The following RNF38 variants were observed in gnomAD, a reference collection of about 807,000 sequenced individuals.
The protein encoded by RNF38 is E3 ubiquitin-protein ligase RNF38.
A neutral mutation model predicts 67.2 loss-of-function variants in RNF38; 15 were observed. The ratio of observed to expected loss-of-function variants is 0.22; its 90% CI spans 0.15 to 0.34. The LOEUF (loss-of-function observed/expected upper bound fraction) is 0.34, where lower values mean the gene tolerates loss of function less well. RNF38 is among the 10% of genes least tolerant of loss of function. The pLI is 1.00. For synonymous variants in RNF38, 220 were observed against 218.8 expected (o/e 1.01, Z -0.05); for missense variants, 524 against 639.9 (o/e 0.82, Z 1.95).
chr9:36,454,575 A>C (rs1839538842), intron 1 of RNF38, among the ~76,000 whole-genome samples: 1 of 133,712 alleles, frequency 7.5e-6, no homozygotes, highest in African/African-American at 2.8e-5. Flanking sequence ...TTATACATTA[A>C]TTTACTTTTT....
At chr9:36,341,786 G>A (rs1832850688) in intron 11 of RNF38, among the ~76,000 whole-genome samples, 1 of 99,240 alleles carries the variant, frequency 1.0e-5, no homozygotes, top group Admixed American at 1.1e-4. Context: ...CTGAGACCCT[G>A]TTTCAAAATA....
intron 9 of RNF38, among the ~76,000 whole-genome samples, chr9:36,347,157 T>C (rs1412983810): frequency 1.6e-5 from 2 of 122,998 alleles, no homozygotes; most frequent in Non-Finnish European, 3.3e-5. Flanking sequence ...GGGAAGTAAA[T>C]TGCCAAATTG....
At chr9:36,409,238 G>C (rs1040879607) in intron 2 of RNF38, among the ~76,000 whole-genome samples, 2 of 146,088 alleles carry the variant, frequency 1.4e-5, no homozygotes, top group Non-Finnish European at 3.0e-5. Context: ...AGGAAGGATG[G>C]AAGGAAAGAA....
At chr9:36,462,676 GA>G (rs1839760854) in intron 1 of RNF38, among the ~76,000 whole-genome samples, 3 of 130,838 alleles carry the variant, frequency 2.3e-5, no homozygotes, top group East Asian at 4.8e-4. Context: ...CCAACTGATT[GA>G]TTTTTTTTTT....
At chr9:36,371,390 C>CT (rs1278929193) in intron 3 of RNF38, among the ~76,000 whole-genome samples, 2 of 151,016 alleles carry the variant, frequency 1.3e-5, no homozygotes, top group African/African-American at 4.9e-5. Context: ...GCTTCAAACT[C>CT]TACTTACTGT....
chr9:36,481,297 G>A (rs940603935), intron 1 of RNF38, among the ~76,000 whole-genome samples: 5 of 152,184 alleles, frequency 3.3e-5, no homozygotes, highest in African/African-American at 1.2e-4. Flanking sequence ...TTACAGGCAT[G>A]AGCCACCACA....
intron 4 of RNF38, among the ~76,000 whole-genome samples, chr9:36,362,660 T>A (rs183553505): frequency 2.3e-3 from 357 of 152,132 alleles, no homozygotes; most frequent in Middle Eastern, 6.8e-3. Context: ...ACCATTTTTT[T>A]TTTCTTTTGA....
At chr9:36,459,206 C>CAA (rs796647730) in intron 1 of RNF38, among the ~76,000 whole-genome samples, 10 of 87,074 alleles carry the variant, frequency 1.1e-4, no homozygotes, top group African/African-American at 3.8e-4. Flanking sequence ...GACTCTGTCT[C>CAA]AAAAAAAAAA....
At chr9:36,437,703 C>T (rs10511928) in intron 1 of RNF38, among the ~76,000 whole-genome samples, 1 of 152,130 alleles carries the variant, frequency 6.6e-6, no homozygotes, top group Non-Finnish European at 1.5e-5. Context: ...ACAAAACCTA[C>T]ATGTCAGCTA....
At position 36,344,728 on chromosome 9, in the gene RNF38, A is replaced by G. The variant is rs539912441; in HGVS notation, c.1385+104T>C. ...TCTGACTCCTAAGCATTTTCTTTCAATTTTTTATTTCCTCTCCCAACTTTT... is the reference window on the plus strand; with the variant it reads ...TCTGACTCCTAAGCATTTTCTTTCAGTTTTTTATTTCCTCTCCCAACTTTT... On this transcript the variant is annotated intron_variant, in intron 10 of 11. Coordinates refer to ENST00000259605, the MANE Select transcript of RNF38 (RefSeq NM_022781.5). 36 of 1,164,422 alleles carry G rather than the reference A, an allele frequency of 3.1e-5. No individual in the cohort carries two copies. The African/African-American group carries it at 4.5e-4, about 15-fold the overall frequency. The allele number at this position is 1,164,422 out of a possible 1,614,324, so 72.1% of individuals were successfully genotyped here. A position where few individuals can be genotyped will look rare whatever the true frequency, so the allele number is the denominator to read the frequency against.
rs1325081683 is a variant in RNF38 at position 36,342,314 on chromosome 9, C to T, written c.1485+11G>A. The T allele has an allele frequency of 3.8e-5, 59 of 1,566,720 alleles. No individual in the cohort carries two copies. Among genetic ancestry groups the T allele is most frequent in the Non-Finnish European group, 5.0e-5 (57 of 1,136,936 alleles). On this transcript the variant is annotated intron_variant, in intron 11 of 11. Transcript: ENST00000259605. ...TCAATGTCATTTCCTTTAAAGATGT[C>T]ATCACTTTACCTTAAGCCATTTGTC...
chr9:36,376,173 A>T, intron 2 of RNF38, 46 bp from the exon 3 acceptor site: 1 of 1,412,262 alleles, frequency 7.1e-7, no homozygotes, highest in Admixed American at 2.5e-5. Flanking sequence ...TCTTTTAAAG[A>T]TTTCACATTA....
intron 1 of RNF38, among the ~76,000 whole-genome samples, chr9:36,448,225 T>C (rs1208457111): frequency 2.0e-5 from 3 of 152,202 alleles, no homozygotes; most frequent in African/African-American, 7.2e-5. Context: ...TTTGTATTCA[T>C]TGTGATAAAC....
chr9:36,368,692 G>C (rs1247241564), intron 4 of RNF38, among the ~76,000 whole-genome samples: 2 of 152,098 alleles, frequency 1.3e-5, no homozygotes, highest in Non-Finnish European at 2.9e-5. Flanking sequence ...TCTGGCATAA[G>C]AAGAGTATCT....
At position 36,368,303 on chromosome 9, in the gene RNF38, C is replaced by T. The variant is rs190522671; in HGVS notation, c.570+1416G>A. On this transcript the variant is annotated intron_variant, in intron 4 of 11. Coordinates refer to ENST00000259605, the MANE Select transcript of RNF38 (RefSeq NM_022781.5). ...CATATTCCAATATACAGACTCAACACGTAACACTACTACATAAATGAGACC... is the reference window on the plus strand; with the variant it reads ...CATATTCCAATATACAGACTCAACATGTAACACTACTACATAAATGAGACC... Among the ~76,000 whole-genome samples, 456 of 147,330 alleles carry T rather than the reference C, an allele frequency of 3.1e-3. 2 individuals are homozygous for T. The highest frequency in any genetic ancestry group is 5.1e-3 in the Non-Finnish European group (328 of 64,778).
chr9:36,460,280 G>A (rs565754110), intron 1 of RNF38, among the ~76,000 whole-genome samples: 35 of 152,126 alleles, frequency 2.3e-4, no homozygotes, highest in African/African-American at 6.7e-4. Context: ...TACTTCTCTC[G>A]CATAAGTGAC....
At chr9:36,486,571 T>A (rs1214365257) in intron 1 of RNF38, among the ~76,000 whole-genome samples, 1 of 152,056 alleles carries the variant, frequency 6.6e-6, no homozygotes, top group Non-Finnish European at 1.5e-5. Flanking sequence ...CGGGCAGGCC[T>A]CCCTCCCAGT....
intron 2 of RNF38, among the ~76,000 whole-genome samples, chr9:36,382,225 T>C (rs1411321072): frequency 6.6e-6 from 1 of 152,260 alleles, no homozygotes; most frequent in African/African-American, 2.4e-5. Context: ...GTACTGTCTC[T>C]ATTATTTAAT....
chr9:36,346,872 C>G (rs759057909), intron 9 of RNF38, among the ~76,000 whole-genome samples: 1 of 152,048 alleles, frequency 6.6e-6, no homozygotes, highest in African/African-American at 2.4e-5. Context: ...AATCCCAGCA[C>G]TTTGGGAGGC....
Sources: allele counts gnomAD v4.1 joint callset (sites outside exome capture counted in the v4.1 genomes callset), GRCh38; gene constraint gnomAD v4.1.1; transcripts MANE v1.5; gene names NCBI Gene and HGNC (gene_info 2026-07-23, HGNC 2026-07-21).